The following VWF variants were observed in gnomAD, a reference collection of about 807,000 sequenced individuals.
VWF encodes the protein Factor VIII related antigen.
A neutral mutation model predicts 308.6 loss-of-function variants in VWF; 176 were observed. The observed-to-expected ratio is 0.57, with a 90% CI of 0.50 to 0.65. The LOEUF is 0.65. Ranked by LOEUF, VWF falls within the 30% of genes least tolerant of loss-of-function variation. The pLI, the probability that VWF is intolerant of heterozygous loss-of-function variation, is 0.00. For missense variants in VWF, 3,146 were observed against 3,648.2 expected, an observed-to-expected ratio of 0.86 and a Z score of 3.55; for synonymous variants, 1,385 against 1,443.4, an observed-to-expected ratio of 0.96 and a Z score of 0.92.
rs141477932 is a variant in VWF at position 6,026,006 on chromosome 12, T to C, written c.3008A>G (p.Gln1003Arg). ...GTTGCTGCTGGTGAGGTCATTGTTC[T>C]GGATGCCATCAAAATTCCCACACAG... is the stretch of plus-strand genomic sequence containing the variant. The part of the protein sequence containing the change: ...CGLCGNFDGI[Q>R]NNDLTSSNLQ... The change falls in exon 23 of 52, where the codon CAG (glutamine) becomes CGG (arginine). Residue 1003 changes from glutamine (Q) to arginine (R), a missense_variant. Coordinates refer to ENST00000261405, the MANE Select transcript of VWF (RefSeq NM_000552.5). The C allele has an allele frequency of 7.9e-5, 127 of 1,613,878 alleles. No individual in the cohort carries two copies. The highest frequency in any genetic ancestry group is 1.0e-4 in the Admixed American group (6 of 59,992).
Position 6,073,709 on chromosome 12 carries a change from G to A in VWF, c.907C>T (p.Gln303Ter). ...PVCPAGMEYR[Q>*]CVSPCARTCQ... ...GTCCTGGCGCAAGGGGACACACACTGCCTATACTCCATACCAGCAGGGCAC... is the reference window on the plus strand; with the variant it reads ...GTCCTGGCGCAAGGGGACACACACTACCTATACTCCATACCAGCAGGGCAC... Residue 303 changes from glutamine (Q) to a stop codon, truncating the protein, a stop_gained, in exon 8 of 52, where the codon CAG (glutamine) becomes TAG (stop). Coordinates refer to ENST00000261405, the MANE Select transcript of VWF (RefSeq NM_000552.5). LOFTEE classifies it high-confidence loss of function. The A allele has an allele frequency of 6.2e-7, 1 of 1,614,012 alleles. No homozygotes were observed. Among genetic ancestry groups the A allele is most frequent in the Non-Finnish European group, 8.5e-7 (1 of 1,180,012 alleles).
At chr12:6,081,026 CACGGGGGGCT>C (rs1355338324) in intron 6 of VWF, among the ~76,000 whole-genome samples, 2 of 152,196 alleles carry the variant, frequency 1.3e-5, no homozygotes, top group African/African-American at 2.4e-5. Flanking sequence ...TCCACTCAGT[CACGGGGGGCT>C]ATTGGCTCAT....
intron 10 of VWF, among the ~76,000 whole-genome samples, chr12:6,070,711 G>T (rs1431224999): frequency 1.3e-5 from 2 of 152,232 alleles, no homozygotes; most frequent in South Asian, 2.1e-4. Flanking sequence ...GGCAAGGTTT[G>T]CAGTAAATAG....
intron 20 of VWF, 38 bp from the exon 21 acceptor site, chr12:6,031,616 CCACTGG>C: frequency 6.2e-7 from 1 of 1,613,656 alleles, no homozygotes; most frequent in Non-Finnish European, 8.5e-7. Flanking sequence ...ACCATTATCC[CCACTGG>C]CTCTCACCAG....
intron 6 of VWF, among the ~76,000 whole-genome samples, chr12:6,087,278 A>C (rs11064022): frequency 0.17 from 25,705 of 151,568 alleles, 2,615 homozygotes; most frequent in East Asian, 0.45. Context: ...ACCAGGGAGT[A>C]AAGGAGGGCT....
intron 47 of VWF, among the ~76,000 whole-genome samples, chr12:5,959,085 T>C (rs943525858): frequency 6.6e-6 from 1 of 152,060 alleles, no homozygotes; most frequent in Non-Finnish European, 1.5e-5. Flanking sequence ...CACACACCTC[T>C]AGTCTCAGCT....
intron 42 of VWF, among the ~76,000 whole-genome samples, 163 bp downstream of exon 42, chr12:5,981,623 T>A (rs1943606452): frequency 2.0e-5 from 3 of 152,098 alleles, no homozygotes; most frequent in African/African-American, 7.2e-5. Context: ...AAGAAGGGAA[T>A]GCTGGGTAGG....
At chr12:6,009,016 T>C (rs903030438) in intron 34 of VWF, among the ~76,000 whole-genome samples, 10 of 152,124 alleles carry the variant, frequency 6.6e-5, no homozygotes, top group African/African-American at 2.2e-4. Flanking sequence ...CTTTGCAACA[T>C]TGGTCTTGGC....
intron 50 of VWF, among the ~76,000 whole-genome samples, chr12:5,950,753 C>T (rs951968722): frequency 6.6e-6 from 1 of 151,946 alleles, no homozygotes; most frequent in Admixed American, 6.6e-5. Flanking sequence ...TTAAAGATCT[C>T]GAAGCCTCTT....
At chr12:6,044,541 C>T in intron 17 of VWF, 90 bp from the exon 18 acceptor site, 1 of 1,502,230 alleles carries the variant, frequency 6.7e-7, no homozygotes, top group Non-Finnish European at 9.0e-7. Context: ...GAGTCTGTGA[C>T]TAAATTCAAG....
chr12:5,961,786 A>G (rs975293970), intron 47 of VWF, among the ~76,000 whole-genome samples: 1 of 152,182 alleles, frequency 6.6e-6, no homozygotes, highest in African/African-American at 2.4e-5. Flanking sequence ...GTGCATCTAC[A>G]CAAAAAAAAT....
At position 6,062,941 on chromosome 12, in the gene VWF, T is replaced by C; in HGVS notation, c.1533+13A>G. 1 of 1,610,142 alleles carries C rather than the reference T, an allele frequency of 6.2e-7. No homozygotes were observed. Among genetic ancestry groups the C allele is most frequent in the Non-Finnish European group, 8.5e-7 (1 of 1,179,078 alleles). ...CGGGCCGCAGGGAGCCAGTACCCCG[T>C]GAGGGCACCTACCTTCACCAGCAGC... On this transcript the variant is annotated intron_variant, in intron 13 of 51. Coordinates refer to ENST00000261405, the MANE Select transcript of VWF (RefSeq NM_000552.5).
intron 45 of VWF, 177 bp from the exon 46 acceptor site, chr12:5,968,344 C>T (rs573460498): frequency 1.1e-5 from 7 of 661,538 alleles, no homozygotes; most frequent in African/African-American, 1.8e-5. Context: ...GAGCCCACAG[C>T]GGCCTCCCTT....
intron 46 of VWF, 85 bp from the exon 47 acceptor site, chr12:5,967,687 C>G (rs894877536): frequency 1.3e-4 from 165 of 1,224,658 alleles, no homozygotes; most frequent in Non-Finnish European, 2.4e-5. Context: ...CTCCTGCCCA[C>G]CCACCCATAG....
In VWF at chr12:6,110,409, T is replaced by G. The variant is rs62643622; in HGVS notation, c.497A>C (p.Asn166Thr). The part of the protein sequence containing the change: ...NKTCGLCGNF[N>T]IFAEDDFMTQ... ...CATAAAGTCATCTTCAGCAAAGATG[T>G]TAAAGTTGCCACACAGCCCGCAGGT... Residue 166 changes from asparagine to threonine, a missense_variant, in exon 5 of 52, where the codon AAC (asparagine) becomes ACC (threonine). Coordinates refer to ENST00000261405, the MANE Select transcript of VWF (RefSeq NM_000552.5). The G allele has an allele frequency of 3.1e-6, 5 of 1,614,056 alleles. No homozygotes were observed. In the Admixed American group the frequency reaches 5.0e-5, roughly 16 times the overall value.
chr12:6,090,648 C>CTCTTCCTCA (rs778273875), intron 6 of VWF, among the ~76,000 whole-genome samples: 1 of 150,470 alleles, frequency 6.6e-6, no homozygotes, highest in African/African-American at 2.4e-5. Flanking sequence ...CCTCCTCCTC[C>CTCTTCCTCA]TCATCATCAT....
intron 34 of VWF, among the ~76,000 whole-genome samples, chr12:6,003,264 T>C (rs561645309): frequency 2.0e-5 from 3 of 152,212 alleles, no homozygotes; most frequent in Non-Finnish European, 4.4e-5. Flanking sequence ...TTAAAATTTA[T>C]ATACGTCTAT....
intron 16 of VWF, among the ~76,000 whole-genome samples, chr12:6,048,549 A>G (rs1379687695): frequency 1.4e-5 from 2 of 144,096 alleles, no homozygotes; most frequent in Admixed American, 6.9e-5. Context: ...TGCAACCTCC[A>G]CTTCCCGGGT....
chr12:6,016,236 A>G lies in VWF; in HGVS notation c.5312-4T>C. On this transcript the variant is annotated splice_region_variant and splice_polypyrimidine_tract_variant and intron_variant, in intron 30 of 51. Transcript: ENST00000261405. ...ACAGCAAAGCCCAAGGCATCCCCTG[A>G]GGATGGAGAACAGATCACGCCAAGT... 3.1e-6 allele frequency: 5 copies of G among 1,614,222 alleles called. No homozygotes were observed. The Middle Eastern group carries it at 4.9e-4, about 160-fold the overall frequency.
Sources: gnomAD v4.1 joint callset for allele counts (sites outside exome capture counted in the v4.1 genomes callset) on GRCh38, gnomAD v4.1.1 for gene constraint, MANE v1.5 for transcripts, NCBI Gene and HGNC (gene_info 2026-07-23, HGNC 2026-07-21) for gene names.